Variants in PRMT9 observed in about 807,000 individuals in gnomAD.
The protein encoded by PRMT9 is protein arginine N-methyltransferase 9.
Under a neutral mutation model 83.2 loss-of-function variants are expected in PRMT9, and 59 were observed. The observed-to-expected ratio is 0.71, with a 90% confidence interval of 0.57 to 0.88. The LOEUF is 0.88. Among genes scored for constraint, PRMT9 ranks in the 40% least tolerant of loss-of-function variants. The pLI is 0.00. For missense variants in PRMT9, 947 were observed against 1,021.9 expected, an observed-to-expected ratio of 0.93 and a Z score of 1.00; for synonymous variants, 333 against 353.2, an observed-to-expected ratio of 0.94 and a Z score of 0.64.
In PRMT9 at chr4:147,684,141, A is replaced by T. The variant is rs1333982689; in HGVS notation, c.-154T>A. ...CGGGTGAACTCGCCAACCCCAGCCC[A>T]GGCGGAAGCTCCGCCCCGTCCTGGC... On this transcript the variant is annotated 5_prime_UTR_variant, in exon 1 of 12. Transcript: ENST00000322396. 3.4e-6 allele frequency: 3 copies of T among 888,478 alleles called. No individual in the cohort carries two copies. The East Asian group carries it at 7.9e-5, about 23-fold the overall frequency. The allele number at this position is 888,478 out of a possible 1,614,324, so 55.0% of individuals were successfully genotyped here. A position where few individuals can be genotyped will look rare whatever the true frequency, so the allele number is the denominator to read the frequency against.
At chr4:147,680,903 A>G (rs1282603326) in intron 1 of PRMT9, among the ~76,000 whole-genome samples, 2 of 152,376 alleles carry the variant, frequency 1.3e-5, no homozygotes, top group East Asian at 3.9e-4. Flanking sequence ...CCTCAGACTC[A>G]TAGATACAGC....
intron 9 of PRMT9, among the ~76,000 whole-genome samples, chr4:147,643,949 C>T (rs1047031230): frequency 6.6e-6 from 1 of 152,104 alleles, no homozygotes; most frequent in African/African-American, 2.4e-5. Flanking sequence ...AGTGACTGCA[C>T]CACTAAAGAG....
intron 9 of PRMT9, among the ~76,000 whole-genome samples, chr4:147,646,662 AG>A (rs1179521426): frequency 1.0e-3 from 12 of 11,510 alleles, no homozygotes; most frequent in Admixed American, 2.3e-3. Flanking sequence ...TGGGCTGGGG[AG>A]GGGGGGGAGG....
chr4:147,647,187 C>G (rs1733786087), intron 9 of PRMT9, among the ~76,000 whole-genome samples: 1 of 152,022 alleles, frequency 6.6e-6, no homozygotes, highest in African/African-American at 2.4e-5. Context: ...TCTATAATGC[C>G]CTACTGCTCA....
rs1242764040 is a variant in PRMT9 at position 147,661,101 on chromosome 4, TCTAATA to T, written c.954-69_954-64del. 35 of 1,028,264 alleles carry T rather than the reference TCTAATA, an allele frequency of 3.4e-5. 1 individual carries two copies. In the Admixed American group the frequency reaches 5.0e-4, roughly 15 times the overall value. 63.7% of individuals were successfully genotyped at this position (1,028,264 alleles called of 1,614,324 possible). A position where few individuals can be genotyped will look rare whatever the true frequency, so the allele number is the denominator to read the frequency against. On this transcript the variant is annotated intron_variant, in intron 6 of 11. Coordinates refer to ENST00000322396, the MANE Select transcript of PRMT9 (RefSeq NM_138364.4). ...GATTTTTTTAGAATCAAGTAACATATCTAATACTGAGTCCAGAAAAAAATACAAAAA... is the reference window on the plus strand; with the variant it reads ...GATTTTTTTAGAATCAAGTAACATATCTGAGTCCAGAAAAAAATACAAAAA...
intron 7 of PRMT9, among the ~76,000 whole-genome samples, chr4:147,660,292 C>G (rs1734866117): frequency 6.6e-6 from 1 of 152,150 alleles, no homozygotes; most frequent in Non-Finnish European, 1.5e-5. Flanking sequence ...AAGCACCTGG[C>G]ACCCTATATA....
At chr4:147,641,240 T>A (rs1733379772) in intron 10 of PRMT9, among the ~76,000 whole-genome samples, 1 of 152,162 alleles carries the variant, frequency 6.6e-6, no homozygotes, top group Non-Finnish European at 1.5e-5. Flanking sequence ...TTCCTACCCC[T>A]TTCAGAGCAA....
intron 9 of PRMT9, among the ~76,000 whole-genome samples, chr4:147,653,629 G>A (rs1008223006): frequency 4.6e-5 from 7 of 151,956 alleles, no homozygotes; most frequent in Admixed American, 2.0e-4. Context: ...TTATGGGAAC[G>A]TGTCAAAAAG....
intron 5 of PRMT9, among the ~76,000 whole-genome samples, chr4:147,669,375 T>C (rs1195728082): frequency 2.0e-5 from 3 of 151,844 alleles, no homozygotes; most frequent in Non-Finnish European, 2.9e-5. Context: ...AGACCCCATC[T>C]CAAAAAAACA....
Position 147,683,788 on chromosome 4 carries a change from AG to A in PRMT9, c.189+10del. On this transcript the variant is annotated intron_variant, in intron 1 of 11. Transcript: ENST00000322396. ...TGGATCTGCCAGCAAGTGAGAAAAAAGGACCCTCACCTTCACGTCGTGTTTC... is the reference window on the plus strand; with the variant it reads ...TGGATCTGCCAGCAAGTGAGAAAAAAGACCCTCACCTTCACGTCGTGTTTC... 2 of 1,606,486 alleles carry A rather than the reference AG, an allele frequency of 1.2e-6. No homozygotes were observed. Among genetic ancestry groups the A allele is most frequent in the East Asian group, 4.5e-5 (2 of 44,590 alleles).
At chr4:147,678,268 G>C (rs1365822025) in intron 2 of PRMT9, among the ~76,000 whole-genome samples, 1 of 152,164 alleles carries the variant, frequency 6.6e-6, no homozygotes, top group Non-Finnish European at 1.5e-5. Context: ...GAGGGAAAGA[G>C]AAAGCAATTA....
At position 147,638,430 on chromosome 4, in the gene PRMT9, T is replaced by C. The variant is rs1733152186; in HGVS notation, c.*102A>G. On this transcript the variant is annotated 3_prime_UTR_variant, in exon 12 of 12. Coordinates refer to ENST00000322396, the MANE Select transcript of PRMT9 (RefSeq NM_138364.4). ...TTATTAATGTCAATTTTAAAAAATA[T>C]TTGACCATTACAAGGAATTTTTATA... is the stretch of plus-strand genomic sequence containing the variant. The C allele has an allele frequency of 1.2e-5, 10 of 815,420 alleles. No homozygotes were observed. In the South Asian group the frequency reaches 1.3e-4, roughly 10 times the overall value. 50.5% of individuals were successfully genotyped at this position (815,420 alleles called of 1,614,324 possible).
chr4:147,638,535 T>G lies in PRMT9; in HGVS notation c.2535A>C (p.Gln845His). 1 of 1,613,056 alleles carries G rather than the reference T, an allele frequency of 6.2e-7. No individual in the cohort carries two copies. Among genetic ancestry groups the G allele is most frequent in the Non-Finnish European group, 8.5e-7 (1 of 1,179,134 alleles). ...HKSNVSITVK[Q>H] ...GTTTTCATTGGAAAACTGCTCTTCATTGCTTTACTGTGATGCTGACATTGC... is the reference window on the plus strand; with the variant it reads ...GTTTTCATTGGAAAACTGCTCTTCAGTGCTTTACTGTGATGCTGACATTGC... Residue 845 changes from glutamine (Q) to histidine (H), a missense_variant, in exon 12 of 12, where the codon CAA becomes CAC. Coordinates refer to ENST00000322396, the MANE Select transcript of PRMT9 (RefSeq NM_138364.4).
chr4:147,683,495 T>C (rs1247455056), intron 1 of PRMT9, among the ~76,000 whole-genome samples: 2 of 152,184 alleles, frequency 1.3e-5, no homozygotes, highest in Non-Finnish European at 2.9e-5. Flanking sequence ...ATTTCGAAGG[T>C]GAAGACGGCA....
At chr4:147,641,021 A>G (rs1246592518) in intron 10 of PRMT9, among the ~76,000 whole-genome samples, 1 of 152,058 alleles carries the variant, frequency 6.6e-6, no homozygotes, top group Non-Finnish European at 1.5e-5. Context: ...CCTACCTTTA[A>G]AATATATTGA....
chr4:147,644,857 T>A (rs1733633399), intron 9 of PRMT9, among the ~76,000 whole-genome samples: 1 of 152,168 alleles, frequency 6.6e-6, no homozygotes, highest in African/African-American at 2.4e-5. Flanking sequence ...TCCAGTGAAA[T>A]GGAGGTGGAG....
intron 1 of PRMT9, among the ~76,000 whole-genome samples, 181 bp downstream of exon 1, chr4:147,683,615 TTTC>T (rs1736645134): frequency 6.6e-6 from 1 of 150,676 alleles, no homozygotes; most frequent in South Asian, 2.1e-4. Context: ...CTCCGCCTTT[TTTC>T]TTTTCTTTTT....
In PRMT9 at chr4:147,654,356, A is replaced by G; in HGVS notation, c.1541T>C (p.Val514Ala). ...ANLQTSKPDAVEQTCILESTE... is the reference protein window; with the variant it reads ...ANLQTSKPDAAEQTCILESTE... ...AGATTCCAATATACATGTCTGCTCT[A>G]CAGCATCTGGTTTACTGGTCTGAAG... Residue 514 changes from valine (V) to alanine (A), a missense_variant, in exon 9 of 12, where the codon GTA becomes GCA. Coordinates refer to ENST00000322396, the MANE Select transcript of PRMT9 (RefSeq NM_138364.4). The G allele has an allele frequency of 6.2e-7, 1 of 1,614,184 alleles. No individual in the cohort carries two copies. The highest frequency in any genetic ancestry group is 8.5e-7 in the Non-Finnish European group (1 of 1,180,000).
chr4:147,673,957 G>T, intron 2 of PRMT9, 83 bp from the exon 3 acceptor site: 2 of 1,150,954 alleles, frequency 1.7e-6, no homozygotes, highest in Non-Finnish European at 2.6e-6. Flanking sequence ...CACTCACTTG[G>T]CCTGGGAATT....
Sources: allele counts gnomAD v4.1 joint callset (sites outside exome capture counted in the v4.1 genomes callset), GRCh38; gene constraint gnomAD v4.1.1; transcripts MANE v1.5; gene names NCBI Gene and HGNC (gene_info 2026-07-23, HGNC 2026-07-21).